The following ZNF423 variants were observed in gnomAD, a reference collection of about 807,000 sequenced individuals.
ZNF423 encodes the protein Ebf-associated zinc finger protein.
A neutral mutation model predicts 95.8 loss-of-function variants in ZNF423; 12 were observed. The observed-to-expected ratio is 0.13, with a 90% CI of 0.08 to 0.20. The LOEUF is 0.20. ZNF423 is among the 10% of genes least tolerant of loss of function. The pLI is 1.00. For synonymous variants in ZNF423, 749 were observed against 711.9 expected (o/e 1.05, Z -0.83); for missense variants, 1,316 against 1,737.1 (o/e 0.76, Z 4.31).
At chr16:49,670,384 T>C (rs2030752622) in intron 3 of ZNF423, among the ~76,000 whole-genome samples, 1 of 152,234 alleles carries the variant, frequency 6.6e-6, no homozygotes, top group Non-Finnish European at 1.5e-5. Context: ...GACTGCACCA[T>C]GTGTCCCAGC....
At chr16:49,762,688 AG>A (rs1183831150) in intron 2 of ZNF423, among the ~76,000 whole-genome samples, 1 of 152,126 alleles carries the variant, frequency 6.6e-6, no homozygotes, top group African/African-American at 2.4e-5. Flanking sequence ...AGGAGGTGCA[AG>A]GACACTCCAG....
chr16:49,565,930 G>A (rs1315727883), intron 5 of ZNF423, among the ~76,000 whole-genome samples: 3 of 151,962 alleles, frequency 2.0e-5, no homozygotes, highest in African/African-American at 7.2e-5. Flanking sequence ...GGAGAGAAAG[G>A]GAGGGGAGGG....
At position 49,566,486 on chromosome 16, in the gene ZNF423, A is replaced by G. The variant is rs1970194477; in HGVS notation, c.3602-40992T>C. Among the ~76,000 whole-genome samples the G allele has an allele frequency of 1.3e-5, 2 of 152,164 alleles. 1 individual carries two copies. The highest frequency in any genetic ancestry group is 4.2e-4 in the South Asian group (2 of 4,816). ...GGGCTATGAAAGACTCCATGGCCCA[A>G]AGAAAAGAAGGGCTGCAGGAGGCCT... On this transcript the variant is annotated intron_variant, in intron 5 of 7. Coordinates refer to ENST00000563137, the MANE Select transcript of ZNF423 (RefSeq NM_001379286.1).
intron 3 of ZNF423, among the ~76,000 whole-genome samples, chr16:49,665,015 C>T (rs1231716417): frequency 1.3e-5 from 2 of 152,238 alleles, no homozygotes; most frequent in Admixed American, 6.5e-5. Context: ...CTTCCCTCCG[C>T]TCAGCCTTGG....
chr16:49,826,588 C>T (rs1342484331), intron 1 of ZNF423, among the ~76,000 whole-genome samples: 1 of 152,200 alleles, frequency 6.6e-6, no homozygotes, highest in East Asian at 1.9e-4. Flanking sequence ...GCACCAACCT[C>T]ATAGAGTTGC....
intron 3 of ZNF423, among the ~76,000 whole-genome samples, chr16:49,656,006 T>C (rs2029873875): frequency 1.3e-5 from 2 of 151,742 alleles, no homozygotes; most frequent in Non-Finnish European, 2.9e-5. Context: ...CACCTCCCTC[T>C]CTCCTCCCAC....
In ZNF423 at chr16:49,796,636, G is replaced by A. The variant is rs984745464; in HGVS notation, c.41-7090C>T. 2.0e-5 allele frequency among the ~76,000 whole-genome samples: 3 copies of A among 152,220 alleles called. No individual in the cohort carries two copies. In the South Asian group the frequency reaches 6.2e-4, roughly 32 times the overall value. Reference sequence around the variant, plus strand: ...ACAGATTCTGAGGCAGACAGTGGCAGGAGGTGAATGAGAGACAAACAGAGG... The same window carrying A: ...ACAGATTCTGAGGCAGACAGTGGCAAGAGGTGAATGAGAGACAAACAGAGG... On this transcript the variant is annotated intron_variant, in intron 1 of 7. Coordinates refer to ENST00000563137, the MANE Select transcript of ZNF423 (RefSeq NM_001379286.1).
intron 2 of ZNF423, among the ~76,000 whole-genome samples, chr16:49,775,646 A>G (rs2034108633): frequency 6.6e-6 from 1 of 152,194 alleles, no homozygotes; most frequent in Non-Finnish European, 1.5e-5. Flanking sequence ...AGTCAAGCCC[A>G]TTCTCACAGT....
intron 4 of ZNF423, among the ~76,000 whole-genome samples, chr16:49,630,982 C>T (rs1004683747): frequency 1.3e-5 from 2 of 152,102 alleles, no homozygotes; most frequent in African/African-American, 4.8e-5. Flanking sequence ...TTCACCCCAA[C>T]TCACCAGCAA....
intron 1 of ZNF423, among the ~76,000 whole-genome samples, chr16:49,825,970 G>C (rs751808986): frequency 6.6e-6 from 1 of 152,004 alleles, no homozygotes; most frequent in East Asian, 1.9e-4. Context: ...CATTACTTTC[G>C]GAGGCCAAGA....
At chr16:49,548,885 G>C (rs1209230018) in intron 5 of ZNF423, among the ~76,000 whole-genome samples, 3 of 152,208 alleles carry the variant, frequency 2.0e-5, no homozygotes, top group African/African-American at 4.8e-5. Flanking sequence ...TGCCTCTCTA[G>C]AGACTCATCT....
chr16:49,714,123 G>A (rs4785183), intron 3 of ZNF423, among the ~76,000 whole-genome samples: 18 of 152,302 alleles, frequency 1.2e-4, no homozygotes, highest in African/African-American at 3.8e-4. Context: ...CCCAGGAGCC[G>A]GAGCATCTTC....
intron 3 of ZNF423, among the ~76,000 whole-genome samples, chr16:49,690,929 C>A (rs1012550180): frequency 2.6e-5 from 4 of 152,182 alleles, no homozygotes; most frequent in African/African-American, 9.7e-5. Context: ...ACTAAAGCAA[C>A]CTGTTTCACC....
At chr16:49,724,850 G>A (rs1355576425) in intron 3 of ZNF423, among the ~76,000 whole-genome samples, 1 of 152,168 alleles carries the variant, frequency 6.6e-6, no homozygotes, top group Non-Finnish European at 1.5e-5. Context: ...TAGCGGAGAG[G>A]GGAGCCGCAA....
chr16:49,538,562 G>A (rs529200522), intron 5 of ZNF423, among the ~76,000 whole-genome samples: 2 of 152,244 alleles, frequency 1.3e-5, no homozygotes. Context: ...AGAACCTGCA[G>A]TGGCTCCCTT....
Position 49,532,584 on chromosome 16 carries a change from T to G in ZNF423, c.3602-7090A>C, listed in dbSNP as rs528349892. 6.6e-5 allele frequency among the ~76,000 whole-genome samples: 10 copies of G among 152,334 alleles called. No homozygotes were observed. The East Asian group carries it at 1.5e-3, about 24-fold the overall frequency. On this transcript the variant is annotated intron_variant, in intron 5 of 7. Transcript: ENST00000563137. Reference sequence around the variant, plus strand: ...CCAGAGCCTCTTCAAAACAGAGCCCTGACAATTAGGCAGTCTGAGTTTTGA... The same window carrying G: ...CCAGAGCCTCTTCAAAACAGAGCCCGGACAATTAGGCAGTCTGAGTTTTGA...
At chr16:49,779,534 G>A (rs1238902971) in intron 2 of ZNF423, among the ~76,000 whole-genome samples, 1 of 152,098 alleles carries the variant, frequency 6.6e-6, no homozygotes, top group East Asian at 1.9e-4. Flanking sequence ...AGTTTGAGGA[G>A]CACTGGTGCA....
At chr16:49,557,408 G>A (rs1969864777) in intron 5 of ZNF423, among the ~76,000 whole-genome samples, 1 of 152,216 alleles carries the variant, frequency 6.6e-6, no homozygotes, top group Non-Finnish European at 1.5e-5. Flanking sequence ...GCTGCAGCCT[G>A]GGTGGAATGA....
At chr16:49,596,901 A>G (rs1971198565) in intron 5 of ZNF423, among the ~76,000 whole-genome samples, 1 of 152,216 alleles carries the variant, frequency 6.6e-6, no homozygotes, top group Non-Finnish European at 1.5e-5. Flanking sequence ...CACGCCAGGA[A>G]GCACAGCCCA....
Sources: gnomAD v4.1 joint callset for allele counts (sites outside exome capture counted in the v4.1 genomes callset) on GRCh38, gnomAD v4.1.1 for gene constraint, MANE v1.5 for transcripts, NCBI Gene and HGNC (gene_info 2026-07-23, HGNC 2026-07-21) for gene names.